Variants in MAGI2 observed in about 807,000 individuals in gnomAD.
MAGI2 encodes the protein membrane-associated guanylate kinase, WW and PDZ domain-containing protein 2.
Under a neutral mutation model 133.3 loss-of-function variants are expected in MAGI2, and 35 were observed. The ratio of observed to expected loss-of-function variants is 0.26; its 90% CI spans 0.20 to 0.35. MAGI2 has a LOEUF of 0.35. MAGI2 is among the 10% of genes least tolerant of loss of function. MAGI2 has a pLI of 1.00. For missense variants in MAGI2, 1,636 were observed against 1,863.4 expected (o/e 0.88, Z 2.25); for synonymous variants, 729 against 710.6 (o/e 1.03, Z -0.41).
chr7:78,575,546 T>C (rs1388828617), intron 3 of MAGI2, among the ~76,000 whole-genome samples: 1 of 152,112 alleles, frequency 6.6e-6, no homozygotes, highest in Non-Finnish European at 1.5e-5. Flanking sequence ...GAAATCACCT[T>C]ACAGTAAAGA....
chr7:79,052,697 A>G (rs1454977792), intron 1 of MAGI2, among the ~76,000 whole-genome samples: 1 of 152,210 alleles, frequency 6.6e-6, no homozygotes, highest in Non-Finnish European at 1.5e-5. Context: ...ATTTAAATAA[A>G]CCAAAAATTG....
chr7:78,472,495 T>C (rs143463660), intron 6 of MAGI2, among the ~76,000 whole-genome samples: 9 of 152,158 alleles, frequency 5.9e-5, no homozygotes, highest in African/African-American at 1.9e-4. Flanking sequence ...TTTTTAATAA[T>C]AAGAAAAAAA....
chr7:79,070,145 T>C (rs1443089056), intron 1 of MAGI2, among the ~76,000 whole-genome samples: 1 of 152,176 alleles, frequency 6.6e-6, no homozygotes, highest in Non-Finnish European at 1.5e-5. Context: ...AATTTGAATG[T>C]TGGCCTGCCT....
intron 10 of MAGI2, among the ~76,000 whole-genome samples, chr7:78,229,473 A>AG (rs1322635561): frequency 6.6e-6 from 1 of 152,146 alleles, no homozygotes; most frequent in African/African-American, 2.4e-5. Context: ...ACTCTAGCTG[A>AG]GGAAGAAACC....
At position 78,521,374 on chromosome 7, in the gene MAGI2, T is replaced by A. The variant is rs146166217; in HGVS notation, c.754+56A>T. 435 of 1,266,294 alleles carry A rather than the reference T, an allele frequency of 3.4e-4. 3 individuals carry two copies. The African/African-American group carries it at 5.6e-3, about 16-fold the overall frequency. 78.4% of individuals were successfully genotyped at this position (1,266,294 alleles called of 1,614,324 possible). ...CTTACTGTGTATATGTGTACATATA[T>A]ATCTTAGATCTAAAACAGTAAATTT... On this transcript the variant is annotated intron_variant, in intron 4 of 21. Coordinates refer to ENST00000354212, the MANE Select transcript of MAGI2 (RefSeq NM_012301.4).
At chr7:78,820,565 C>G (rs1790011101) in intron 2 of MAGI2, among the ~76,000 whole-genome samples, 1 of 151,786 alleles carries the variant, frequency 6.6e-6, no homozygotes, top group African/African-American at 2.4e-5. Context: ...TATGCTCTAT[C>G]AGAGCATTTT....
At chr7:79,277,802 C>A (rs1233669231) in intron 1 of MAGI2, among the ~76,000 whole-genome samples, 2 of 152,098 alleles carry the variant, frequency 1.3e-5, no homozygotes, top group Non-Finnish European at 2.9e-5. Context: ...AGATGTAAAT[C>A]TTCTACAATC....
chr7:78,807,321 G>A (rs905425608), intron 2 of MAGI2, among the ~76,000 whole-genome samples: 1 of 151,986 alleles, frequency 6.6e-6, no homozygotes, highest in Non-Finnish European at 1.5e-5. Flanking sequence ...ATTCTATTGT[G>A]CTAATATAAA....
In MAGI2 at chr7:78,105,696, T is replaced by C. The variant is rs1224214433; in HGVS notation, c.3567+19998A>G. ...TTCGCCACTTTTCTATTGTTATTGTTGTATTTTCCTTTTTTTATTTTTTAT... is the reference window on the plus strand; with the variant it reads ...TTCGCCACTTTTCTATTGTTATTGTCGTATTTTCCTTTTTTTATTTTTTAT... On this transcript the variant is annotated intron_variant, in intron 20 of 21. Coordinates refer to ENST00000354212, the MANE Select transcript of MAGI2 (RefSeq NM_012301.4). 2.6e-5 allele frequency among the ~76,000 whole-genome samples: 4 copies of C among 152,066 alleles called. No homozygotes were observed. The East Asian group carries it at 7.7e-4, about 29-fold the overall frequency.
chr7:79,235,395 C>A (rs576464207), intron 1 of MAGI2, among the ~76,000 whole-genome samples: 131 of 151,778 alleles, frequency 8.6e-4, no homozygotes, highest in South Asian at 2.3e-3. Flanking sequence ...CCCCCAGCCT[C>A]GCTGCCGCCT....
At chr7:78,194,406 C>T (rs144245825) in intron 12 of MAGI2, among the ~76,000 whole-genome samples, 4 of 152,062 alleles carry the variant, frequency 2.6e-5, no homozygotes, top group South Asian at 2.1e-4. Context: ...GTACTGCATT[C>T]GAAACCAATT....
intron 5 of MAGI2, among the ~76,000 whole-genome samples, chr7:78,494,405 T>C (rs557094794): frequency 6.6e-6 from 1 of 152,310 alleles, no homozygotes; most frequent in South Asian, 2.1e-4. Context: ...AGAAATGCTA[T>C]CAATGGATGC....
chr7:79,074,851 T>C (rs111494097), intron 1 of MAGI2, among the ~76,000 whole-genome samples: 5,538 of 152,268 alleles, frequency 0.036, 214 homozygotes, highest in African/African-American at 0.098. Context: ...TCAGCTACGA[T>C]ATAGAGACAT....
intron 3 of MAGI2, among the ~76,000 whole-genome samples, chr7:78,582,062 G>A (rs966275029): frequency 2.0e-4 from 31 of 152,218 alleles, no homozygotes; most frequent in Admixed American, 1.9e-3. Flanking sequence ...GTAAGGGGAT[G>A]ATGAGAGTGA....
intron 1 of MAGI2, among the ~76,000 whole-genome samples, chr7:79,321,703 T>G (rs1005953276): frequency 2.0e-5 from 3 of 152,194 alleles, no homozygotes; most frequent in Non-Finnish European, 4.4e-5. Flanking sequence ...ATAAGTGTTG[T>G]TGGAGACTAG....
At chr7:78,894,502 C>T (rs1161534876) in intron 2 of MAGI2, among the ~76,000 whole-genome samples, 2 of 152,068 alleles carry the variant, frequency 1.3e-5, no homozygotes. Flanking sequence ...TCTTCATGTA[C>T]CTGTGCCATA....
chr7:79,149,111 A>G (rs1822945670), intron 1 of MAGI2, among the ~76,000 whole-genome samples: 1 of 144,440 alleles, frequency 6.9e-6, no homozygotes, highest in South Asian at 2.1e-4. Flanking sequence ...ATAATATATT[A>G]TATTATATAT....
intron 1 of MAGI2, among the ~76,000 whole-genome samples, chr7:79,276,440 A>G (rs189017727): frequency 7.2e-5 from 11 of 152,302 alleles, no homozygotes; most frequent in African/African-American, 2.4e-4. Context: ...CCACCAGCAA[A>G]TTAATTATAA....
chr7:78,607,435 A>G (rs1805939646), intron 3 of MAGI2, among the ~76,000 whole-genome samples: 2 of 151,554 alleles, frequency 1.3e-5, no homozygotes, highest in South Asian at 4.2e-4. Context: ...AGAGACGCTT[A>G]ACAAAGTTCC....
Sources: gnomAD v4.1 joint callset for allele counts (sites outside exome capture counted in the v4.1 genomes callset) on GRCh38, gnomAD v4.1.1 for gene constraint, MANE v1.5 for transcripts, NCBI Gene and HGNC (gene_info 2026-07-23, HGNC 2026-07-21) for gene names.